The following MXI1 variants were observed in gnomAD, a reference collection of about 807,000 sequenced individuals.
The protein encoded by MXI1 is max-interacting protein 1.
Under a neutral mutation model 36.9 loss-of-function variants are expected in MXI1, and 18 were observed. The ratio of observed to expected loss-of-function variants is 0.49; its 90% CI spans 0.34 to 0.72. The LOEUF (loss-of-function observed/expected upper bound fraction) is 0.72. MXI1 is among the 30% of genes least tolerant of loss of function. The pLI is 0.01. For synonymous variants in MXI1, 160 were observed against 146.7 expected, an observed-to-expected ratio of 1.09 and a Z score of -0.65; for missense variants, 304 against 379.1, an observed-to-expected ratio of 0.80 and a Z score of 1.64.
At chr10:110,229,964 T>C (rs1247248516) in intron 2 of MXI1, among the ~76,000 whole-genome samples, 1 of 152,212 alleles carries the variant, frequency 6.6e-6, no homozygotes, top group Non-Finnish European at 1.5e-5. Flanking sequence ...ATTAGGTATA[T>C]AATTTCAGTA....
intron 1 of MXI1, among the ~76,000 whole-genome samples, chr10:110,225,034 C>T (rs1469761224): frequency 6.6e-6 from 1 of 152,196 alleles, no homozygotes; most frequent in East Asian, 1.9e-4. Context: ...ATCATCGCTT[C>T]TATTTACTGA....
At chr10:110,273,445 T>C (rs940051494) in intron 3 of MXI1, among the ~76,000 whole-genome samples, 3 of 152,246 alleles carry the variant, frequency 2.0e-5, no homozygotes, top group Admixed American at 6.5e-5. Flanking sequence ...CAATATGCTT[T>C]TGATATATCA....
chr10:110,284,752 C>T (rs1857382763), intron 5 of MXI1, 72 bp from the exon 6 acceptor site: 5 of 1,343,430 alleles, frequency 3.7e-6, no homozygotes, highest in Non-Finnish European at 5.0e-6. Context: ...CTCTTTTCCT[C>T]ATGCTGTTAG....
intron 3 of MXI1, 93 bp from the exon 4 acceptor site, chr10:110,279,087 T>C: frequency 1.0e-6 from 1 of 985,510 alleles, no homozygotes; most frequent in Non-Finnish European, 1.6e-6. Flanking sequence ...ATAGGCTGAA[T>C]AAATGCAAAT....
At chr10:110,284,756 C>T in intron 5 of MXI1, 68 bp from the exon 6 acceptor site, 1 of 1,378,538 alleles carries the variant, frequency 7.3e-7, no homozygotes, top group Non-Finnish European at 9.8e-7. Flanking sequence ...TTTCCTCATG[C>T]TGTTAGTTTT....
At position 110,284,839 on chromosome 10, in the gene MXI1, A is replaced by G; in HGVS notation, c.740A>G (p.Asp247Gly). 1.3e-6 allele frequency: 2 copies of G among 1,599,802 alleles called. No homozygotes were observed. The highest frequency in any genetic ancestry group is 2.3e-5 in the East Asian group (1 of 44,414). The change falls in exon 6 of 6, where the codon GAT (aspartate) becomes GGT (glycine). Residue 247 changes from aspartate to glycine, a missense_variant. Physicochemically the swap from Asp to Gly is moderately conservative, Grantham distance 94. Around this residue, in one of 2 missense-constraint regions of MXI1, gnomAD observed 125 missense variants for 194.3 expected, o/e 0.64. Coordinates refer to ENST00000332674, the MANE Select transcript of MXI1 (RefSeq NM_130439.3). ...CCTTTGGCAGAGGAGATTGAAGTGG[A>G]TGTTGAAAGCACAGAGTTCTCCCAT... ...SDSEREEIEV[D>G]VESTEFSHGE...
At chr10:110,235,807 T>G (rs10884941) in intron 2 of MXI1, among the ~76,000 whole-genome samples, 68,507 of 151,634 alleles carry the variant, frequency 0.45, 16,573 homozygotes, top group South Asian at 0.71. Context: ...TCAGGAGTTC[T>G]AGACCAGCCT....
At chr10:110,223,670 C>T (rs1854879519) in intron 1 of MXI1, among the ~76,000 whole-genome samples, 1 of 152,006 alleles carries the variant, frequency 6.6e-6, no homozygotes, top group South Asian at 2.1e-4. Flanking sequence ...AATCCAGTCC[C>T]ACCCCTACCC....
intron 1 of MXI1, among the ~76,000 whole-genome samples, chr10:110,222,609 A>G (rs1854845632): frequency 6.6e-6 from 1 of 152,142 alleles, no homozygotes. Context: ...CCATTTTCAA[A>G]TGACTCCCTT....
intron 2 of MXI1, among the ~76,000 whole-genome samples, chr10:110,244,201 AC>A (rs1855774984): frequency 6.6e-6 from 1 of 151,988 alleles, no homozygotes; most frequent in African/African-American, 2.4e-5. Flanking sequence ...CTAAACAATA[AC>A]CATTGCTAAC....
chr10:110,226,022 G>T, intron 1 of MXI1: 2 of 981,386 alleles, frequency 2.0e-6, no homozygotes, highest in South Asian at 9.4e-5. Context: ...GGCTGCCCGC[G>T]GCACGGCGGG....
chr10:110,279,892 A>G (rs975293071), intron 4 of MXI1, 22 bp from the exon 5 acceptor site: 1 of 1,587,570 alleles, frequency 6.3e-7, no homozygotes, highest in Non-Finnish European at 8.6e-7. Context: ...ACACAAATGT[A>G]AAAATCATTT....
intron 1 of MXI1, chr10:110,226,427 T>A: frequency 4.8e-6 from 3 of 629,414 alleles, no homozygotes; most frequent in Non-Finnish European, 5.4e-6. Flanking sequence ...TGTGCGCGCG[T>A]GAGGGTAGAG....
At chr10:110,246,173 A>G (rs1228506570) in intron 3 of MXI1, among the ~76,000 whole-genome samples, 1 of 151,974 alleles carries the variant, frequency 6.6e-6, no homozygotes, top group East Asian at 1.9e-4. Flanking sequence ...CAAAAAAATA[A>G]AAATAAATTA....
intron 3 of MXI1, among the ~76,000 whole-genome samples, chr10:110,278,399 G>C (rs887167621): frequency 2.6e-5 from 4 of 152,158 alleles, no homozygotes; most frequent in Non-Finnish European, 4.4e-5. Flanking sequence ...GGTAGTGAGA[G>C]AGACGAGAGA....
At chr10:110,279,021 T>A (rs957062629) in intron 3 of MXI1, among the ~76,000 whole-genome samples, 159 bp from the exon 4 acceptor site, 13 of 152,174 alleles carry the variant, frequency 8.5e-5, no homozygotes, top group African/African-American at 3.1e-4. Flanking sequence ...GAGACTGAAA[T>A]GCGGCCACCC....
intron 3 of MXI1, chr10:110,257,855 TA>T (rs575844608): frequency 1.3e-4 from 41 of 326,218 alleles, no homozygotes; most frequent in African/African-American, 8.5e-4. Context: ...AATAGGTGTT[TA>T]AAAAACAAAC....
intron 2 of MXI1, among the ~76,000 whole-genome samples, chr10:110,230,041 C>A (rs10884940): frequency 2.6e-5 from 4 of 151,874 alleles, no homozygotes; most frequent in South Asian, 2.1e-4. Flanking sequence ...AAGGTCCCTC[C>A]TTCTCCTGAA....
intron 1 of MXI1, among the ~76,000 whole-genome samples, chr10:110,214,848 T>G (rs1015243722): frequency 1.3e-5 from 2 of 150,866 alleles, no homozygotes; most frequent in African/African-American, 2.4e-5. Context: ...TTTGAGTTTT[T>G]TTTTTTTTTT....
Sources: allele counts gnomAD v4.1 joint callset (sites outside exome capture counted in the v4.1 genomes callset), GRCh38; gene constraint gnomAD v4.1.1; regional missense constraint gnomAD v4.1.1; transcripts MANE v1.5; gene names NCBI Gene and HGNC (gene_info 2026-07-23, HGNC 2026-07-21).